Variants in CORO2B observed in about 807,000 individuals in gnomAD.
CORO2B encodes the protein coronin-2B.
Under a neutral mutation model 58.8 loss-of-function variants are expected in CORO2B, and 26 were observed. The ratio of observed to expected loss-of-function variants is 0.44; its 90% confidence interval spans 0.32 to 0.61. The LOEUF (loss-of-function observed/expected upper bound fraction) is 0.61. CORO2B is among the 20% of genes least tolerant of loss of function. The probability of loss-of-function intolerance (pLI) is 0.04; values close to 1 mark genes in which losing one functional copy is unlikely to be tolerated. For missense variants in CORO2B, 460 were observed against 645.1 expected (o/e 0.71, Z 3.11); for synonymous variants, 242 against 253.8 (o/e 0.95, Z 0.44).
At chr15:68,559,685 T>A in the CORO2B span, 8 of 962,290 alleles carry the variant, frequency 8.3e-6, no homozygotes, top group Non-Finnish European at 8.6e-6. The surrounding 1 kb of genome is among the most constrained non-coding windows in gnomAD (Gnocchi z 4.3). Context: ...GTTTTCCGGT[T>A]GGTGCAGTGC....
In CORO2B at chr15:68,678,829, G is replaced by A. The variant is rs375065342; in HGVS notation, c.217-16311G>A. On this transcript the variant is annotated intron_variant, in intron 2 of 11. Transcript: ENST00000261861. The stretch of plus-strand genomic sequence containing the variant: ...CACCCAAACTCCAGCCTTCATTGCC[G>A]GTCCTCCAGTGCTCAGATAGGGAAG... Among the ~76,000 whole-genome samples the A allele has an allele frequency of 3.7e-4, 57 of 152,310 alleles. No individual in the cohort carries two copies. The South Asian group carries it at 0.01, about 28-fold the overall frequency.
In CORO2B at chr15:68,627,311, C is replaced by T. The variant is rs58813791; in HGVS notation, c.16-17849C>T. Among the ~76,000 whole-genome samples the T allele has an allele frequency of 1.1e-4, 17 of 152,224 alleles. No homozygotes were observed. The East Asian group carries it at 2.1e-3, about 19-fold the overall frequency. Reference sequence around the variant, plus strand: ...CCATCAAGGAGTTTGGAGTTAGACCCGAACACAGGAAAAGCAATGCACCAG... The same window carrying T: ...CCATCAAGGAGTTTGGAGTTAGACCTGAACACAGGAAAAGCAATGCACCAG... On this transcript the variant is annotated intron_variant, in intron 1 of 11. Coordinates refer to ENST00000261861, the MANE Select transcript of CORO2B (RefSeq NM_006091.5).
intron 7 of CORO2B, 125 bp from the exon 8 acceptor site, chr15:68,715,090 T>A: frequency 3.5e-6 from 3 of 846,092 alleles, no homozygotes; most frequent in Non-Finnish European, 6.0e-6. Flanking sequence ...AAGCCAGGTT[T>A]CCTTGGTTTT....
chr15:68,725,961 C>G lies in CORO2B; in HGVS notation c.1430C>G (p.Pro477Arg). ...GAACTGAAAAACTTGCGCAACAGCC[C>G]CAAGAACTGTTAGCTCCCCAGCTGG... Reference protein sequence around the residue: ...QLELKNLRNSPKNC With the variant: ...QLELKNLRNSRKNC The change falls in exon 12 of 12, where the codon CCC becomes CGC. Residue 477 changes from proline (P) to arginine (R), a missense_variant. Coordinates refer to ENST00000261861, the MANE Select transcript of CORO2B (RefSeq NM_006091.5). 2 of 1,613,774 alleles carry G rather than the reference C, an allele frequency of 1.2e-6. No individual in the cohort carries two copies. Among genetic ancestry groups the G allele is most frequent in the African/African-American group, 1.3e-5 (1 of 75,036 alleles).
intron 1 of CORO2B, among the ~76,000 whole-genome samples, chr15:68,594,218 C>A (rs1899772943): frequency 6.6e-6 from 1 of 152,140 alleles, no homozygotes; most frequent in African/African-American, 2.4e-5. Context: ...GGCTCTGCAC[C>A]CTCTTCCCCA....
chr15:68,544,507 G>C, the CORO2B span, among the ~76,000 whole-genome samples: 3 of 152,314 alleles, frequency 2.0e-5, no homozygotes, highest in African/African-American at 7.2e-5. Flanking sequence ...GTTCCAGGTG[G>C]AGGATGCAGA....
At chr15:68,695,301 C>A in intron 3 of CORO2B, 45 bp downstream of exon 3, 9 of 1,432,726 alleles carry the variant, frequency 6.3e-6, no homozygotes, top group Non-Finnish European at 8.9e-6. Context: ...TCAGGCCCCT[C>A]CCTGCTTCCT....
chr15:68,593,343 C>T lies in CORO2B; in HGVS notation c.15+14066C>T, dbSNP rs191660585. ...TCTTAAAAACTTTTGAAAAAGGGGA[C>T]CTGCAAATGAAATAGTTGGTCCTCC... On this transcript the variant is annotated intron_variant, in intron 1 of 11. Coordinates refer to ENST00000261861, the MANE Select transcript of CORO2B (RefSeq NM_006091.5). 1.7e-4 allele frequency among the ~76,000 whole-genome samples: 26 copies of T among 152,276 alleles called. 1 individual carries two copies. Among genetic ancestry groups the T allele is most frequent in the Admixed American group, 1.6e-3 (24 of 15,306 alleles).
chr15:68,727,387 C>A lies in CORO2B; in HGVS notation c.*1413C>A, dbSNP rs533970671. ...TTTTTCCTCCTTTCATTTCCCACTACGCACAAAGAGTTTATAAACACTGTT... is the reference window on the plus strand; with the variant it reads ...TTTTTCCTCCTTTCATTTCCCACTAAGCACAAAGAGTTTATAAACACTGTT... On this transcript the variant is annotated 3_prime_UTR_variant, in exon 12 of 12. Coordinates refer to ENST00000261861, the MANE Select transcript of CORO2B (RefSeq NM_006091.5). 6.6e-6 allele frequency: 1 copy of A among 152,302 alleles called. No individual in the cohort carries two copies. The highest frequency in any genetic ancestry group is 2.4e-5 in the African/African-American group (1 of 41,410). The allele number at this position is 152,302 out of a possible 1,614,324, so 9.4% of individuals were successfully genotyped here. A position where few individuals can be genotyped will look rare whatever the true frequency, so the allele number is the denominator to read the frequency against.
chr15:68,685,008 G>A (rs910960304), intron 2 of CORO2B, among the ~76,000 whole-genome samples: 1 of 152,206 alleles, frequency 6.6e-6, no homozygotes, highest in African/African-American at 2.4e-5. Context: ...GTGAGGGAAA[G>A]TGATGATAGG....
chr15:68,635,568 C>T (rs568319600), intron 1 of CORO2B, among the ~76,000 whole-genome samples: 3 of 152,332 alleles, frequency 2.0e-5, no homozygotes, highest in Admixed American at 6.5e-5. Flanking sequence ...AGACAAGTCA[C>T]TCCTCCTCTC....
chr15:68,579,179 G>C lies in CORO2B; in HGVS notation c.-84G>C. On this transcript the variant is annotated 5_prime_UTR_variant, in exon 1 of 12. Coordinates refer to ENST00000261861, the MANE Select transcript of CORO2B (RefSeq NM_006091.5). Reference sequence around the variant, plus strand: ...GCGGGGAGCGAGCCGGGAGCTGCCGGACCCCCTTCCGCCGCCGCCCCGGGC... The same window carrying C: ...GCGGGGAGCGAGCCGGGAGCTGCCGCACCCCCTTCCGCCGCCGCCCCGGGC... The C allele has an allele frequency of 1.0e-6, 1 of 984,564 alleles. No homozygotes were observed. The highest frequency in any genetic ancestry group is 1.2e-6 in the Non-Finnish European group (1 of 831,362). The allele number at this position is 984,564 out of a possible 1,614,324, so 61.0% of individuals were successfully genotyped here.
At chr15:68,648,044 AAAAAG>A (rs199582585) in intron 2 of CORO2B, among the ~76,000 whole-genome samples, 4 of 148,976 alleles carry the variant, frequency 2.7e-5, no homozygotes, top group African/African-American at 9.9e-5. Context: ...AAAAAAAAAA[AAAAAG>A]AGTCTGGGCA....
chr15:68,544,789 T>C, the CORO2B span, among the ~76,000 whole-genome samples: 4 of 151,770 alleles, frequency 2.6e-5, no homozygotes, highest in South Asian at 8.3e-4. Flanking sequence ...TTTTTTTTTT[T>C]TTTTTGAGAT....
intron 7 of CORO2B, 106 bp downstream of exon 7, chr15:68,714,769 C>A: frequency 1.2e-6 from 1 of 845,804 alleles, no homozygotes; most frequent in Non-Finnish European, 1.9e-6. Context: ...CCTAACCTTC[C>A]AAGTTCCTGG....
In CORO2B at chr15:68,580,949, CCTG is replaced by C. The variant is rs1337258705; in HGVS notation, c.15+1673_15+1675del. Among the ~76,000 whole-genome samples the C allele has an allele frequency of 5.9e-5, 9 of 152,264 alleles. No individual in the cohort carries two copies. The South Asian group carries it at 1.9e-3, about 32-fold the overall frequency. Reference sequence around the variant, plus strand: ...AGGCTCAGAGAGGTGAAATGACTTGCCTGAGGTCACACAGCATGTATGTGGCAG... The same window carrying C: ...AGGCTCAGAGAGGTGAAATGACTTGCAGGTCACACAGCATGTATGTGGCAG... On this transcript the variant is annotated intron_variant, in intron 1 of 11. Coordinates refer to ENST00000261861, the MANE Select transcript of CORO2B (RefSeq NM_006091.5).
chr15:68,662,239 T>C (rs1902040098), intron 2 of CORO2B, among the ~76,000 whole-genome samples: 1 of 152,190 alleles, frequency 6.6e-6, no homozygotes, highest in Admixed American at 6.5e-5. Flanking sequence ...CAACTTCCTT[T>C]TGCTTTGTTT....
At chr15:68,711,751 G>A in intron 5 of CORO2B, 45 bp downstream of exon 5, 7 of 1,607,866 alleles carry the variant, frequency 4.4e-6, no homozygotes, top group African/African-American at 1.3e-5. Context: ...GGTATTGAGG[G>A]CTGGGGCTCA....
intron 1 of CORO2B, among the ~76,000 whole-genome samples, chr15:68,596,201 G>T (rs1899825759): frequency 6.6e-6 from 1 of 152,134 alleles, no homozygotes; most frequent in Admixed American, 6.5e-5. Context: ...CATGCACTGT[G>T]CCCGTGACCC....
Sources: allele counts gnomAD v4.1 joint callset (sites outside exome capture counted in the v4.1 genomes callset), GRCh38; gene constraint gnomAD v4.1.1; non-coding constraint Gnocchi (gnomAD v3.1); transcripts MANE v1.5; gene names NCBI Gene and HGNC (gene_info 2026-07-23, HGNC 2026-07-21).